The following RAD17 variants were observed in gnomAD, a reference collection of about 807,000 sequenced individuals.
The protein encoded by RAD17 is RAD17 checkpoint clamp loader component, also known as cell cycle checkpoint protein RAD17.
RAD17 carries 31 observed loss-of-function variants against 81.5 expected under a neutral mutation model. That is an observed-to-expected ratio of 0.38 (90% CI 0.29 to 0.51). The LOEUF is 0.51. Ranked by LOEUF, RAD17 falls within the 20% of genes least tolerant of loss-of-function variation. The pLI is 0.88. For missense variants in RAD17, 681 were observed against 781.2 expected, an observed-to-expected ratio of 0.87 and a Z score of 1.53; for synonymous variants, 261 against 266.2, an observed-to-expected ratio of 0.98 and a Z score of 0.19.
intron 15 of RAD17, among the ~76,000 whole-genome samples, chr5:69,396,192 G>T (rs1335484760): frequency 6.6e-6 from 1 of 152,022 alleles, no homozygotes; most frequent in East Asian, 1.9e-4. Context: ...ATCCAGTCAG[G>T]GTTTACACAT....
At chr5:69,398,997 AC>A (rs998405747) in intron 16 of RAD17, among the ~76,000 whole-genome samples, 1 of 151,636 alleles carries the variant, frequency 6.6e-6, no homozygotes, top group African/African-American at 2.4e-5. Context: ...ATATGGTGAA[AC>A]CCCATCTGTA....
rs1580338594 is a variant in RAD17, at chr5:69,369,900, C to T, written c.-450C>T. ...CTAGGGTAGTCCCTGGTCGCCTCCGCTCTTCGCCTAAAAGGGGATGCAGCT... is the reference window on the plus strand; with the variant it reads ...CTAGGGTAGTCCCTGGTCGCCTCCGTTCTTCGCCTAAAAGGGGATGCAGCT... On this transcript the variant is annotated 5_prime_UTR_variant, in exon 1 of 19. Transcript: ENST00000354868. 1.7e-6 allele frequency: 1 copy of T among 590,090 alleles called. No homozygotes were observed. The highest frequency in any genetic ancestry group is 3.0e-5 in the East Asian group (1 of 33,510). The allele number at this position is 590,090 out of a possible 1,614,324, so 36.6% of individuals were successfully genotyped here. A position where few individuals can be genotyped will look rare whatever the true frequency, so the allele number is the denominator to read the frequency against.
intron 12 of RAD17, among the ~76,000 whole-genome samples, chr5:69,389,986 CTGTTAA>C (rs1764448343): frequency 6.6e-6 from 1 of 152,070 alleles, no homozygotes; most frequent in African/African-American, 2.4e-5. Flanking sequence ...AATTTATTTC[CTGTTAA>C]TGTTAAAAAG....
Position 69,369,929 on chromosome 5 carries a change from G to A in RAD17, c.-421G>A. 1.8e-6 allele frequency: 1 copy of A among 564,976 alleles called. No individual in the cohort carries two copies. Among genetic ancestry groups the A allele is most frequent in the South Asian group, 2.3e-5 (1 of 43,130 alleles). 35.0% of individuals were successfully genotyped at this position (564,976 alleles called of 1,614,324 possible). A position where few individuals can be genotyped will look rare whatever the true frequency, so the allele number is the denominator to read the frequency against. ...TCGCCTAAAAGGGGATGCAGCTCCG[G>A]GAAAGTAAGGCCGCCGCGGTTGCGG... On this transcript the variant is annotated 5_prime_UTR_variant, in exon 1 of 19. Transcript: ENST00000354868.
Position 69,393,476 on chromosome 5 carries a change from A to C in RAD17, c.1398A>C (p.Ala466=). 6.2e-7 allele frequency: 1 copy of C among 1,610,096 alleles called. No individual in the cohort carries two copies. Among genetic ancestry groups the C allele is most frequent in the Non-Finnish European group, 8.5e-7 (1 of 1,178,628 alleles). The change falls in exon 15 of 19, where the codon GCA becomes GCC. Residue 466 remains alanine (A), a synonymous_variant. Coordinates refer to ENST00000354868, the MANE Select transcript of RAD17 (RefSeq NM_133338.3). ...IVRASEFLSF[A]DILSGDWNTR... ...GAGCCAGTGAATTTCTGAGTTTTGC[A>C]GATATCCTCAGTGGTGACTGGAATG...
intron 6 of RAD17, among the ~76,000 whole-genome samples, chr5:69,376,201 C>A (rs978648426): frequency 6.6e-6 from 1 of 152,170 alleles, no homozygotes; most frequent in African/African-American, 2.4e-5. Flanking sequence ...ACAACTGACA[C>A]ATAATCCATG....
intron 13 of RAD17, among the ~76,000 whole-genome samples, chr5:69,392,226 G>T (rs1365196317): frequency 6.6e-6 from 1 of 152,156 alleles, no homozygotes; most frequent in Admixed American, 6.6e-5. Context: ...TGCAATTGCA[G>T]GCCATATCCA....
At chr5:69,395,419 G>A (rs1764822285) in intron 15 of RAD17, among the ~76,000 whole-genome samples, 1 of 152,166 alleles carries the variant, frequency 6.6e-6, no homozygotes, top group African/African-American at 2.4e-5. Context: ...GGCTGTGGTG[G>A]GAGAATCACT....
intron 7 of RAD17, among the ~76,000 whole-genome samples, chr5:69,383,781 G>T (rs746884529): frequency 1.3e-5 from 2 of 152,158 alleles, no homozygotes; most frequent in Non-Finnish European, 2.9e-5. Flanking sequence ...CTCTGGGGTA[G>T]CTGGGACTAC....
chr5:69,393,589 C>T lies in RAD17; in HGVS notation c.1422+89C>T, dbSNP rs1169682082. Reference sequence around the variant, plus strand: ...TTTACTTTTATCCCTAATTGCCTGACATTATTTTATGTGACTTTTCTTCAT... The same window carrying T: ...TTTACTTTTATCCCTAATTGCCTGATATTATTTTATGTGACTTTTCTTCAT... On this transcript the variant is annotated intron_variant, in intron 15 of 18. Transcript: ENST00000354868. 4 of 1,217,240 alleles carry T rather than the reference C, an allele frequency of 3.3e-6. No homozygotes were observed. The East Asian group carries it at 1.0e-4, about 30-fold the overall frequency. The allele number at this position is 1,217,240 out of a possible 1,614,324, so 75.4% of individuals were successfully genotyped here. A position where few individuals can be genotyped will look rare whatever the true frequency, so the allele number is the denominator to read the frequency against.
chr5:69,372,646 C>G (rs983971455), intron 4 of RAD17, among the ~76,000 whole-genome samples: 4 of 152,058 alleles, frequency 2.6e-5, no homozygotes, highest in Admixed American at 6.6e-5. Context: ...GGGTCTCACT[C>G]TGTTGCCCGG....
intron 7 of RAD17, among the ~76,000 whole-genome samples, chr5:69,384,387 A>G (rs1764044193): frequency 1.3e-5 from 2 of 149,288 alleles, no homozygotes; most frequent in East Asian, 2.1e-4. Context: ...GCTCACTGCA[A>G]CCTCCACCTC....
chr5:69,414,279 G>A lies in RAD17; in HGVS notation c.2000G>A (p.Ser667Asn). The A allele has an allele frequency of 6.2e-7, 1 of 1,614,030 alleles. No homozygotes were observed. The highest frequency in any genetic ancestry group is 1.3e-5 in the African/African-American group (1 of 75,054). ...AACATAATAATAGAAGACTACGAGA[G>A]TGATGGGACATAGAAGCCAGCCTGC... is the stretch of plus-strand genomic sequence containing the variant. ...EENIIIEDYE[S>N]DGT Residue 667 changes from serine to asparagine, a missense_variant, in exon 19 of 19, where the codon AGT becomes AAT. Ser to Asn is a conservative substitution (Grantham distance 46, BLOSUM62 1). Coordinates refer to ENST00000354868, the MANE Select transcript of RAD17 (RefSeq NM_133338.3).
At chr5:69,403,389 T>C (rs1765392008) in intron 17 of RAD17, among the ~76,000 whole-genome samples, 1 of 152,196 alleles carries the variant, frequency 6.6e-6, no homozygotes, top group East Asian at 1.9e-4. Flanking sequence ...TTGGCAGAAA[T>C]ACCACAGAAG....
intron 17 of RAD17, among the ~76,000 whole-genome samples, chr5:69,402,731 T>C (rs1442250628): frequency 6.6e-6 from 1 of 152,168 alleles, no homozygotes; most frequent in East Asian, 1.9e-4. Context: ...TTCACTAAGT[T>C]TCCTGATTAT....
chr5:69,375,315 G>C (rs1315816460), intron 6 of RAD17, among the ~76,000 whole-genome samples: 1 of 152,086 alleles, frequency 6.6e-6, no homozygotes, highest in Non-Finnish European at 1.5e-5. Context: ...CTCAGGCTGA[G>C]GAAAGCAGGC....
chr5:69,373,686 ATTTT>A (rs56385833), intron 4 of RAD17, 140 bp from the exon 5 acceptor site: 10,295 of 248,286 alleles, frequency 0.041, 32 homozygotes, highest in Middle Eastern at 0.056. Context: ...TCTCAAAAAA[ATTTT>A]TTTTTTTTTT....
intron 12 of RAD17, 77 bp from the exon 13 acceptor site, chr5:69,391,754 A>T: frequency 9.2e-7 from 1 of 1,088,644 alleles, no homozygotes; most frequent in South Asian, 2.7e-5. Flanking sequence ...TATTTAGTGT[A>T]ACTATATCTG....
chr5:69,401,661 A>C (rs1052220923), intron 17 of RAD17, among the ~76,000 whole-genome samples: 1 of 152,168 alleles, frequency 6.6e-6, no homozygotes, highest in African/African-American at 2.4e-5. Flanking sequence ...GAATCCAGAG[A>C]TTGCCCTTCT....
Sources: allele counts gnomAD v4.1 joint callset (sites outside exome capture counted in the v4.1 genomes callset), GRCh38; gene constraint gnomAD v4.1.1; transcripts MANE v1.5; gene names NCBI Gene and HGNC (gene_info 2026-07-23, HGNC 2026-07-21).